CARMIL1: variants seen among roughly 807,000 people sequenced by gnomAD.
The protein encoded by CARMIL1 is F-actin-uncapping protein LRRC16A.
In CARMIL1, 90 loss-of-function variants were observed where a neutral mutation model predicts 177.1. That is an observed-to-expected ratio of 0.51 (90% CI 0.43 to 0.61). The LOEUF is 0.61. Ranked by LOEUF, CARMIL1 falls within the 20% of genes least tolerant of loss-of-function variation. CARMIL1 has a pLI of 0.00. For synonymous variants in CARMIL1, 577 were observed against 606.2 expected (o/e 0.95, Z 0.71); for missense variants, 1,380 against 1,667.0 (o/e 0.83, Z 3.00).
chr6:25,569,273 T>G (rs1457081558), intron 29 of CARMIL1, among the ~76,000 whole-genome samples: 1 of 152,156 alleles, frequency 6.6e-6, no homozygotes, highest in Non-Finnish European at 1.5e-5. Flanking sequence ...TTAAAAGGAG[T>G]TAAACTGAGC....
At chr6:25,302,345 A>T (rs1214322356) in intron 2 of CARMIL1, among the ~76,000 whole-genome samples, 1 of 152,230 alleles carries the variant, frequency 6.6e-6, no homozygotes, top group Admixed American at 6.5e-5. Context: ...GAGTTCCATT[A>T]GGGTAATATA....
chr6:25,435,114 T>C (rs933295013), intron 4 of CARMIL1, among the ~76,000 whole-genome samples: 3 of 152,188 alleles, frequency 2.0e-5, no homozygotes, highest in African/African-American at 7.2e-5. Context: ...GTTCAGTCTC[T>C]ATCATATGGG....
intron 2 of CARMIL1, among the ~76,000 whole-genome samples, chr6:25,389,580 T>C (rs1455846026): frequency 6.6e-6 from 1 of 152,240 alleles, no homozygotes; most frequent in Non-Finnish European, 1.5e-5. Context: ...TGGAATTGGA[T>C]GTCAGTTTGT....
At chr6:25,472,708 T>G (rs1801197870) in intron 11 of CARMIL1, 187 bp downstream of exon 11, 2 of 557,548 alleles carry the variant, frequency 3.6e-6, no homozygotes, top group Non-Finnish European at 6.3e-6. Flanking sequence ...ATGATCTGCT[T>G]CACCTTTTTT....
At chr6:25,581,127 T>C (rs1813073346) in intron 30 of CARMIL1, 116 bp from the exon 31 acceptor site, 8 of 1,264,376 alleles carry the variant, frequency 6.3e-6, no homozygotes, top group Non-Finnish European at 8.9e-6. Context: ...GATCTGTGAA[T>C]GTGTGTTTGC....
intron 23 of CARMIL1, among the ~76,000 whole-genome samples, chr6:25,521,894 G>T (rs1806606912): frequency 6.6e-6 from 1 of 152,110 alleles, no homozygotes; most frequent in Non-Finnish European, 1.5e-5. Context: ...TAGAGCTGTA[G>T]GGATTTAGAA....
At chr6:25,549,978 G>A (rs1303231715) in intron 26 of CARMIL1, among the ~76,000 whole-genome samples, 4 of 152,140 alleles carry the variant, frequency 2.6e-5, no homozygotes, top group African/African-American at 7.2e-5. Context: ...AGGTGAGAAC[G>A]TTTTTATTGT....
At chr6:25,357,872 C>G (rs1433977399) in intron 2 of CARMIL1, among the ~76,000 whole-genome samples, 1 of 152,130 alleles carries the variant, frequency 6.6e-6, no homozygotes, top group Non-Finnish European at 1.5e-5. Flanking sequence ...AGGTACATTA[C>G]TTTCAGTTGC....
chr6:25,538,579 A>G (rs1270358222), intron 25 of CARMIL1, among the ~76,000 whole-genome samples: 2 of 152,008 alleles, frequency 1.3e-5, no homozygotes, highest in Admixed American at 1.3e-4. Flanking sequence ...AGTGATAGGG[A>G]TGATAGAAGC....
chr6:25,476,124 T>A (rs951947104), intron 11 of CARMIL1, among the ~76,000 whole-genome samples: 19 of 152,256 alleles, frequency 1.2e-4, no homozygotes, highest in Non-Finnish European at 2.1e-4. Context: ...ATAGTTTTTT[T>A]ATTTGCACTT....
chr6:25,465,942 A>G lies in CARMIL1; in HGVS notation c.684A>G (p.Leu228=). ...QWFTKLSSKD[L]KLSTDVCEQI... is the part of the protein sequence containing the mutation. ...TCACAAAACTGTCCTCTAAGGATCT[A>G]AAACTGGTAAGTAATCAAACATGCA... The change falls in exon 9 of 37, where the codon CTA becomes CTG. Residue 228 remains leucine, a synonymous_variant. Coordinates refer to ENST00000329474, the MANE Select transcript of CARMIL1 (RefSeq NM_017640.6). 6.2e-7 allele frequency: 1 copy of G among 1,603,756 alleles called. No homozygotes were observed. The highest frequency in any genetic ancestry group is 8.5e-7 in the Non-Finnish European group (1 of 1,170,798).
At chr6:25,363,175 T>A (rs1464923814) in intron 2 of CARMIL1, among the ~76,000 whole-genome samples, 1 of 151,818 alleles carries the variant, frequency 6.6e-6, no homozygotes, top group East Asian at 1.9e-4. Context: ...TGCCAGTAGG[T>A]ATTAAAAATT....
At chr6:25,390,544 A>G (rs998525118) in intron 2 of CARMIL1, among the ~76,000 whole-genome samples, 2 of 151,594 alleles carry the variant, frequency 1.3e-5, no homozygotes, top group African/African-American at 4.8e-5. Context: ...CTGGTCTCCA[A>G]CTTTTGGGCT....
chr6:25,477,203 T>C (rs1330830261), intron 11 of CARMIL1, among the ~76,000 whole-genome samples: 1 of 152,082 alleles, frequency 6.6e-6, no homozygotes, highest in East Asian at 1.9e-4. Flanking sequence ...GGAATGTGGT[T>C]TTGTACCTAA....
intron 2 of CARMIL1, among the ~76,000 whole-genome samples, chr6:25,315,648 C>T (rs1385600858): frequency 1.3e-5 from 2 of 152,202 alleles, no homozygotes; most frequent in African/African-American, 4.8e-5. Context: ...CTTTCTATGA[C>T]AAAATGCATT....
chr6:25,371,618 T>G (rs994272988), intron 2 of CARMIL1, among the ~76,000 whole-genome samples: 2 of 152,190 alleles, frequency 1.3e-5, no homozygotes, highest in African/African-American at 4.8e-5. Context: ...TTTGGTTTGT[T>G]TTCTTGCTAA....
At chr6:25,565,217 T>C (rs916194029) in intron 29 of CARMIL1, among the ~76,000 whole-genome samples, 7 of 152,250 alleles carry the variant, frequency 4.6e-5, no homozygotes, top group Non-Finnish European at 1.0e-4. Flanking sequence ...CAGAACCTTG[T>C]AGATCTCACT....
chr6:25,484,984 A>G (rs1300578898), intron 12 of CARMIL1, among the ~76,000 whole-genome samples: 1 of 152,186 alleles, frequency 6.6e-6, no homozygotes, highest in Non-Finnish European at 1.5e-5. Context: ...GCAGTGAGCT[A>G]TGACAGGGCC....
chr6:25,563,653 G>A (rs1811323119), intron 29 of CARMIL1: 3 of 985,208 alleles, frequency 3.0e-6, no homozygotes, highest in Non-Finnish European at 3.6e-6. Flanking sequence ...TTCAACAAAT[G>A]CTTATTGTCC....
Sources: gnomAD v4.1 joint callset for allele counts (sites outside exome capture counted in the v4.1 genomes callset) on GRCh38, gnomAD v4.1.1 for gene constraint, MANE v1.5 for transcripts, NCBI Gene and HGNC (gene_info 2026-07-23, HGNC 2026-07-21) for gene names.